The following UBAC1 variants were observed in gnomAD, a reference collection of about 807,000 sequenced individuals.
The protein encoded by UBAC1 is ubiquitin-associated domain-containing protein 1.
Under a neutral mutation model 45.9 loss-of-function variants are expected in UBAC1, and 27 were observed. The ratio of observed to expected loss-of-function variants is 0.59; its 90% CI spans 0.43 to 0.81. UBAC1 has a LOEUF of 0.81. Ranked by LOEUF, UBAC1 falls within the 30% of genes least tolerant of loss-of-function variation. UBAC1 has a pLI of 0.00. For synonymous variants in UBAC1, 227 were observed against 215.5 expected (o/e 1.05, Z -0.47); for missense variants, 529 against 539.2 (o/e 0.98, Z 0.19).
chr9:135,939,793 G>T, intron 7 of UBAC1, 34 bp from the exon 8 acceptor site: 2 of 1,589,220 alleles, frequency 1.3e-6, no homozygotes, highest in Non-Finnish European at 1.7e-6. Context: ...CTCGCTGGGG[G>T]CGGCAGGAGG....
At chr9:135,952,246 A>G (rs1839414212) in intron 3 of UBAC1, among the ~76,000 whole-genome samples, 1 of 152,276 alleles carries the variant, frequency 6.6e-6, no homozygotes, top group South Asian at 2.1e-4. Context: ...ATGAAACCCA[A>G]AAATAGCTTA....
chr9:135,937,440 C>CA (rs57527185), intron 9 of UBAC1, among the ~76,000 whole-genome samples: 87,532 of 99,850 alleles, frequency 0.88, 38,876 homozygotes, highest in South Asian at 0.97. Flanking sequence ...GACTCTGTCT[C>CA]AAAAAAAAAA....
chr9:135,943,793 A>ACACC (rs1839295797), intron 7 of UBAC1, among the ~76,000 whole-genome samples: 1 of 152,224 alleles, frequency 6.6e-6, no homozygotes, highest in Non-Finnish European at 1.5e-5. Flanking sequence ...TGCAGCCATA[A>ACACC]AAAGGAACGA....
intron 1 of UBAC1, 71 bp downstream of exon 1, chr9:135,960,954 A>G: frequency 7.3e-7 from 1 of 1,365,508 alleles, no homozygotes; most frequent in African/African-American, 1.5e-5. Context: ...CGGTTCGGGG[A>G]CTGAGGCGGG....
chr9:135,942,771 G>A (rs557812282), intron 7 of UBAC1, among the ~76,000 whole-genome samples: 42 of 152,322 alleles, frequency 2.8e-4, no homozygotes, highest in Non-Finnish European at 1.2e-4. Context: ...GAGGGTGTGC[G>A]CAGGGGCTGC....
intron 3 of UBAC1, among the ~76,000 whole-genome samples, chr9:135,948,415 T>C (rs1046606958): frequency 1.3e-5 from 2 of 152,238 alleles, no homozygotes; most frequent in Non-Finnish European, 2.9e-5. Context: ...TCAGCGGAGC[T>C]ACAAAGGCTC....
rs188588751 is a variant in UBAC1 at position 135,958,798 on chromosome 9, G to A, written c.138+2227C>T. On this transcript the variant is annotated intron_variant, in intron 1 of 9. Coordinates refer to ENST00000371756, the MANE Select transcript of UBAC1 (RefSeq NM_016172.3). Reference sequence around the variant, plus strand: ...TGCAGAACCACGCTGGGATGTGGTGGTGGGGAACCTTTCTGACGCTCAGCT... The same window carrying A: ...TGCAGAACCACGCTGGGATGTGGTGATGGGGAACCTTTCTGACGCTCAGCT... 5.6e-4 allele frequency among the ~76,000 whole-genome samples: 85 copies of A among 152,312 alleles called. No individual in the cohort carries two copies. The East Asian group carries it at 0.013, about 24-fold the overall frequency.
chr9:135,941,974 T>C (rs1839274712), intron 7 of UBAC1, among the ~76,000 whole-genome samples: 1 of 152,254 alleles, frequency 6.6e-6, no homozygotes, highest in African/African-American at 2.4e-5. Flanking sequence ...CCCTCAAGCC[T>C]TGACCACCTT....
Position 135,945,991 on chromosome 9 carries a change from A to G in UBAC1, c.551T>C (p.Leu184Pro). The G allele has an allele frequency of 1.2e-6, 2 of 1,613,650 alleles. No homozygotes were observed. Among genetic ancestry groups the G allele is most frequent in the Non-Finnish European group, 1.7e-6 (2 of 1,179,990 alleles). ...CACACGCTCATCCTCGTCCTCGTCC[A>G]GCATTGCTGCAGGGAGACGACAGGG... Reference protein sequence around the residue: ...VELFKKANAMLDEDEDERVDE... With the variant: ...VELFKKANAMPDEDEDERVDE... The change falls in exon 6 of 10, where the codon CTG (leucine) becomes CCG (proline). Residue 184 changes from leucine to proline, a missense_variant. Transcript: ENST00000371756.
intron 3 of UBAC1, among the ~76,000 whole-genome samples, chr9:135,952,707 C>G (rs950054434): frequency 6.6e-6 from 1 of 152,246 alleles, no homozygotes; most frequent in South Asian, 2.1e-4. Context: ...CTGAGTATCC[C>G]TCATCTGAAA....
At chr9:135,941,745 G>A (rs570278248) in intron 7 of UBAC1, among the ~76,000 whole-genome samples, 9 of 146,638 alleles carry the variant, frequency 6.1e-5, no homozygotes, top group Admixed American at 6.1e-4. Context: ...TTGCGCTCAC[G>A]GGCTGCAGGA....
At chr9:135,946,084 C>G (rs1019733257) in intron 5 of UBAC1, 87 bp from the exon 6 acceptor site, 2 of 1,333,276 alleles carry the variant, frequency 1.5e-6, no homozygotes, top group East Asian at 4.8e-5. Flanking sequence ...AATTATCTGT[C>G]TGAGCTCCAC....
In UBAC1 at chr9:135,946,038, G is replaced by A. The variant is rs773795129; in HGVS notation, c.545-41C>T. 16 of 1,559,136 alleles carry A rather than the reference G, an allele frequency of 1.0e-5. No homozygotes were observed. The East Asian group carries it at 3.4e-4, about 33-fold the overall frequency. ...AGGGCCATGAGGGCTCCAGCCTCAG[G>A]TTCAGGGGCCTTATCTGAGCACAAA... On this transcript the variant is annotated intron_variant, in intron 5 of 9. Coordinates refer to ENST00000371756, the MANE Select transcript of UBAC1 (RefSeq NM_016172.3).
chr9:135,944,310 A>G (rs1839300663), intron 7 of UBAC1, among the ~76,000 whole-genome samples: 1 of 152,142 alleles, frequency 6.6e-6, no homozygotes, highest in Non-Finnish European at 1.5e-5. Flanking sequence ...GGCCACATGG[A>G]ACTCCATGGA....
intron 9 of UBAC1, 70 bp downstream of exon 9, chr9:135,938,152 C>T: frequency 6.3e-7 from 1 of 1,578,946 alleles, no homozygotes; most frequent in African/African-American, 1.3e-5. Context: ...CTCCGCAGCA[C>T]CTATTTGTCC....
At chr9:135,951,852 A>G (rs1839409287) in intron 3 of UBAC1, among the ~76,000 whole-genome samples, 1 of 152,212 alleles carries the variant, frequency 6.6e-6, no homozygotes, top group Non-Finnish European at 1.5e-5. Context: ...TAATTAATTC[A>G]TAAAAATATG....
At chr9:135,950,435 C>T (rs1035521062) in intron 3 of UBAC1, among the ~76,000 whole-genome samples, 1 of 152,204 alleles carries the variant, frequency 6.6e-6, no homozygotes, top group Non-Finnish European at 1.5e-5. Context: ...TCTGTGACCA[C>T]GTTTCCAGAA....
At chr9:135,952,049 T>A (rs1839412131) in intron 3 of UBAC1, among the ~76,000 whole-genome samples, 1 of 152,130 alleles carries the variant, frequency 6.6e-6, no homozygotes, top group Non-Finnish European at 1.5e-5. Flanking sequence ...CTGAGAACTG[T>A]GAATGCTGCC....
chr9:135,950,783 T>C (rs1347559518), intron 3 of UBAC1, among the ~76,000 whole-genome samples: 1 of 152,150 alleles, frequency 6.6e-6, no homozygotes, highest in African/African-American at 2.4e-5. Flanking sequence ...AAGAGAATTG[T>C]TAAAAATAAC....
Sources: allele counts gnomAD v4.1 joint callset (sites outside exome capture counted in the v4.1 genomes callset), GRCh38; gene constraint gnomAD v4.1.1; transcripts MANE v1.5; gene names NCBI Gene and HGNC (gene_info 2026-07-23, HGNC 2026-07-21).